Variants in ITGB8 observed in about 807,000 individuals in gnomAD.
The protein encoded by ITGB8 is integrin beta-8.
In ITGB8, 30 loss-of-function variants were observed where a neutral mutation model predicts 89.5. The observed-to-expected ratio is 0.34, with a 90% CI of 0.25 to 0.45. The LOEUF (loss-of-function observed/expected upper bound fraction) is 0.45. Ranked by LOEUF, ITGB8 falls within the 20% of genes least tolerant of loss-of-function variation. ITGB8 has a pLI of 1.00. For synonymous variants in ITGB8, 335 were observed against 320.4 expected (o/e 1.05, Z -0.49); for missense variants, 836 against 933.3 (o/e 0.90, Z 1.36).
At position 20,331,704 on chromosome 7, in the gene ITGB8, C is replaced by G. The variant is rs1168407680; in HGVS notation, c.-103C>G. 1.4e-6 allele frequency: 2 copies of G among 1,380,918 alleles called. No individual in the cohort carries two copies. Among genetic ancestry groups the G allele is most frequent in the Non-Finnish European group, 1.9e-6 (2 of 1,043,472 alleles). 85.5% of individuals were successfully genotyped at this position (1,380,918 alleles called of 1,614,324 possible). On this transcript the variant is annotated 5_prime_UTR_variant, in exon 1 of 14. Transcript: ENST00000222573. ...CGCCTGCTAGGCCTGCGGAAAACGTCCTAGCGACACTCGGCCCGCGGGCCC... is the reference window on the plus strand; with the variant it reads ...CGCCTGCTAGGCCTGCGGAAAACGTGCTAGCGACACTCGGCCCGCGGGCCC...
intron 6 of ITGB8, among the ~76,000 whole-genome samples, chr7:20,391,153 T>A (rs1462743954): frequency 6.6e-6 from 1 of 152,052 alleles, no homozygotes; most frequent in Non-Finnish European, 1.5e-5. Context: ...TGTTCACTCT[T>A]TGTTAGTTAG....
chr7:20,379,268 C>G lies in ITGB8; in HGVS notation c.606C>G (p.Ile202Met). ...AAACAGTTTCACCATACATTAGCAT[C>G]CACCCCGAAAGGATTCATAATCAAT... ...VDKTVSPYIS[I>M]HPERIHNQCS... Residue 202 changes from isoleucine (I) to methionine (M), a missense_variant, in exon 4 of 14, where the codon ATC becomes ATG. By Grantham distance (10) the Ile-to-Met change is conservative. Transcript: ENST00000222573. The G allele has an allele frequency of 1.2e-6, 2 of 1,606,768 alleles. No homozygotes were observed. Among genetic ancestry groups the G allele is most frequent in the Non-Finnish European group, 1.7e-6 (2 of 1,175,722 alleles).
chr7:20,413,589 A>T lies in ITGB8; in HGVS notation c.*3592A>T, dbSNP rs1198439450. 6.6e-6 allele frequency: 1 copy of T among 152,230 alleles called. No homozygotes were observed. Among genetic ancestry groups the T allele is most frequent in the Non-Finnish European group, 1.5e-5 (1 of 67,934 alleles). 9.4% of individuals were successfully genotyped at this position (152,230 alleles called of 1,614,324 possible). On this transcript the variant is annotated 3_prime_UTR_variant, in exon 14 of 14. Transcript: ENST00000222573. ...ATTTCCTAAAGCTTCAAGCTTAATA[A>T]GCCTAATAGTGAAAAATAACTGAAT... is the stretch of plus-strand genomic sequence containing the variant.
At chr7:20,402,968 A>T (rs1326684716) in intron 10 of ITGB8, among the ~76,000 whole-genome samples, 2 of 152,218 alleles carry the variant, frequency 1.3e-5, no homozygotes, top group Non-Finnish European at 2.9e-5. Flanking sequence ...ATTGAGAAAA[A>T]CATCTTTTTA....
chr7:20,411,591 C>G lies in ITGB8; in HGVS notation c.*1594C>G, dbSNP rs1464242106. 1 of 152,646 alleles carries G rather than the reference C, an allele frequency of 6.6e-6. No homozygotes were observed. The highest frequency in any genetic ancestry group is 1.5e-5 in the Non-Finnish European group (1 of 68,046). 9.5% of individuals were successfully genotyped at this position (152,646 alleles called of 1,614,324 possible). ...CTCATTGTCAGGCCAGTGTTCATTGCACAATATCATGCTACCTCTTGAATC... is the reference window on the plus strand; with the variant it reads ...CTCATTGTCAGGCCAGTGTTCATTGGACAATATCATGCTACCTCTTGAATC... On this transcript the variant is annotated 3_prime_UTR_variant, in exon 14 of 14. Transcript: ENST00000222573.
intron 7 of ITGB8, among the ~76,000 whole-genome samples, chr7:20,393,144 T>G (rs759451301): frequency 3.9e-5 from 6 of 152,208 alleles, no homozygotes; most frequent in Admixed American, 6.5e-5. Flanking sequence ...GCTTAATAGT[T>G]TACTTTGAAA....
At chr7:20,374,901 G>A (rs1433266266) in intron 3 of ITGB8, among the ~76,000 whole-genome samples, 1 of 152,150 alleles carries the variant, frequency 6.6e-6, no homozygotes, top group African/African-American at 2.4e-5. Context: ...CGACTCGGTG[G>A]TATAGATAAT....
intron 8 of ITGB8, 112 bp downstream of exon 8, chr7:20,395,097 A>C: frequency 1.6e-6 from 1 of 613,516 alleles, no homozygotes. Context: ...AGCATATTAG[A>C]TTAGGAATTA....
intron 6 of ITGB8, among the ~76,000 whole-genome samples, chr7:20,388,792 C>A (rs1399891150): frequency 6.6e-6 from 1 of 152,118 alleles, no homozygotes; most frequent in Admixed American, 6.5e-5. Flanking sequence ...CTCTAGCCCC[C>A]CAACCCCTGA....
rs565513427 is a variant in ITGB8, at chr7:20,371,214, C to T, written c.388+4028C>T. ...TGCCCATTTCCGGCAAAACCAAAAT[C>T]GAAGAATACTCCCTTAGGATATGTT... On this transcript the variant is annotated intron_variant, in intron 3 of 13. Coordinates refer to ENST00000222573, the MANE Select transcript of ITGB8 (RefSeq NM_002214.3). 1.1e-4 allele frequency among the ~76,000 whole-genome samples: 17 copies of T among 151,986 alleles called. No individual in the cohort carries two copies. In the East Asian group the frequency reaches 1.9e-3, roughly 17 times the overall value.
Position 20,412,012 on chromosome 7 carries a change from C to T in ITGB8, c.*2015C>T, listed in dbSNP as rs1428815636. ...GCCCATGACAACAAAGGAATCTATCCGAAATATCTTTTTTTTTATAATAAA... is the reference window on the plus strand; with the variant it reads ...GCCCATGACAACAAAGGAATCTATCTGAAATATCTTTTTTTTTATAATAAA... On this transcript the variant is annotated 3_prime_UTR_variant, in exon 14 of 14. Coordinates refer to ENST00000222573, the MANE Select transcript of ITGB8 (RefSeq NM_002214.3). 1 of 152,542 alleles carries T rather than the reference C, an allele frequency of 6.6e-6. No individual in the cohort carries two copies. The highest frequency in any genetic ancestry group is 2.4e-5 in the African/African-American group (1 of 41,420). 9.4% of individuals were successfully genotyped at this position (152,542 alleles called of 1,614,324 possible).
At chr7:20,338,656 T>C (rs1238032716) in intron 1 of ITGB8, among the ~76,000 whole-genome samples, 1 of 151,810 alleles carries the variant, frequency 6.6e-6, no homozygotes, top group East Asian at 1.9e-4. Context: ...AATAAACAAA[T>C]AAATATTATT....
At position 20,414,145 on chromosome 7, in the gene ITGB8, C is replaced by G. The variant is rs1787857518; in HGVS notation, c.*4148C>G. The G allele has an allele frequency of 6.6e-6, 1 of 152,126 alleles. No homozygotes were observed. Among genetic ancestry groups the G allele is most frequent in the Non-Finnish European group, 1.5e-5 (1 of 67,970 alleles). The allele number at this position is 152,126 out of a possible 1,614,324, so 9.4% of individuals were successfully genotyped here. ...AAATTATGCTTGAATAAATATTACA[C>G]TAATCCAACTTTACCTAAATGTTTA... On this transcript the variant is annotated 3_prime_UTR_variant, in exon 14 of 14. Transcript: ENST00000222573.
At chr7:20,334,636 C>T (rs1196923108) in intron 1 of ITGB8, among the ~76,000 whole-genome samples, 4 of 152,102 alleles carry the variant, frequency 2.6e-5, no homozygotes, top group Non-Finnish European at 5.9e-5. Flanking sequence ...ATTATTTATG[C>T]TTACCTAAAG....
intron 1 of ITGB8, among the ~76,000 whole-genome samples, chr7:20,342,147 G>A (rs1784779574): frequency 6.6e-6 from 1 of 152,142 alleles, no homozygotes; most frequent in Admixed American, 6.5e-5. Flanking sequence ...GATGCTTCTA[G>A]CATGATATGA....
intron 3 of ITGB8, among the ~76,000 whole-genome samples, chr7:20,375,535 G>A (rs1247366354): frequency 2.0e-5 from 3 of 152,148 alleles, no homozygotes; most frequent in African/African-American, 7.2e-5. Flanking sequence ...AAAAACAACT[G>A]AAGCATCACC....
At chr7:20,342,979 T>C (rs1232948079) in intron 1 of ITGB8, among the ~76,000 whole-genome samples, 2 of 152,198 alleles carry the variant, frequency 1.3e-5, no homozygotes, top group East Asian at 3.9e-4. Flanking sequence ...GAGGGTGTAA[T>C]TCCTGTTTTT....
At chr7:20,371,573 C>T (rs1035469849) in intron 3 of ITGB8, among the ~76,000 whole-genome samples, 1 of 151,956 alleles carries the variant, frequency 6.6e-6, no homozygotes, top group African/African-American at 2.4e-5. Flanking sequence ...ATAGAAAATA[C>T]GAATAAATGG....
intron 8 of ITGB8, among the ~76,000 whole-genome samples, chr7:20,396,470 A>G (rs930734978): frequency 4.6e-5 from 7 of 152,080 alleles, no homozygotes; most frequent in African/African-American, 7.2e-5. Flanking sequence ...TTAAACTTTC[A>G]TCTTCTAAAA....
Sources: allele counts gnomAD v4.1 joint callset (sites outside exome capture counted in the v4.1 genomes callset), GRCh38; gene constraint gnomAD v4.1.1; transcripts MANE v1.5; gene names NCBI Gene and HGNC (gene_info 2026-07-23, HGNC 2026-07-21).